Variants in NOTCH2NLR observed in about 807,000 individuals in gnomAD.
NOTCH2NLR encodes notch 2 N-terminal like R (pseudogene).
A neutral mutation model predicts 35.6 loss-of-function variants in NOTCH2NLR; 33 were observed. That is an observed-to-expected ratio of 0.93 (90% CI 0.70 to 1.24). The LOEUF (loss-of-function observed/expected upper bound fraction) is 1.24. Ranked by LOEUF, NOTCH2NLR falls within the 50% of genes most tolerant of loss-of-function variation. The probability of loss-of-function intolerance (pLI) is 0.00; values close to 1 mark genes in which losing one functional copy is unlikely to be tolerated. For synonymous variants in NOTCH2NLR, 103 were observed against 141.0 expected, an observed-to-expected ratio of 0.73 and a Z score of 1.91; for missense variants, 276 against 362.2, an observed-to-expected ratio of 0.76 and a Z score of 1.93.
At chr1:120,789,463 G>T (rs1474763824) in intron 3 of NOTCH2NLR, among the ~76,000 whole-genome samples, 4 of 113,466 alleles carry the variant, frequency 3.5e-5, no homozygotes, top group East Asian at 4.3e-4. Flanking sequence ...CACTTCTTTC[G>T]TGGTGGTGGC....
chr1:120,790,010 C>CTTTTTTTTT (rs1174501165), intron 3 of NOTCH2NLR, among the ~76,000 whole-genome samples: 1 of 34,940 alleles, frequency 2.9e-5, no homozygotes. Flanking sequence ...TTCTGATCAC[C>CTTTTTTTTT]TTTTTTTTTT....
intron 2 of NOTCH2NLR, among the ~76,000 whole-genome samples, chr1:120,769,145 A>G (rs1454745851): frequency 3.7e-5 from 5 of 135,556 alleles, no homozygotes. Context: ...AACTAGAGCC[A>G]TTGCCTTCTT....
chr1:120,793,579 A>T, intron 4 of NOTCH2NLR, 83 bp downstream of exon 4: 1 of 1,028,692 alleles, frequency 9.7e-7, no homozygotes, highest in Non-Finnish European at 1.4e-6. Context: ...TGCATTTTTT[A>T]GGAAGCGCAA....
exon 1 of NOTCH2NLR, chr1:120,724,227 T>G: frequency 1.4e-6 from 2 of 1,404,828 alleles, no homozygotes; most frequent in East Asian, 2.4e-5. Flanking sequence ...GCGCTCTGGC[T>G]GTGCTGGGCG....
At chr1:120,778,522 A>T (rs1184015311) in intron 2 of NOTCH2NLR, among the ~76,000 whole-genome samples, 1 of 85,814 alleles carries the variant, frequency 1.2e-5, no homozygotes, top group Admixed American at 1.2e-4. Flanking sequence ...CTGTTTTGTA[A>T]AGCATGCCTC....
intron 1 of NOTCH2NLR, among the ~76,000 whole-genome samples, chr1:120,756,308 TC>T (rs1320851953): frequency 8.6e-6 from 1 of 116,032 alleles, no homozygotes; most frequent in Non-Finnish European, 1.7e-5. Context: ...ACAGCCAAGA[TC>T]CTAGGGCGTA....
In NOTCH2NLR at chr1:120,793,829, C is replaced by T; in HGVS notation, c.*9C>T. The T allele has an allele frequency of 3.5e-6, 3 of 856,620 alleles. 1 individual carries two copies. Among genetic ancestry groups the T allele is most frequent in the Non-Finnish European group, 5.4e-6 (3 of 555,786 alleles). The allele number at this position is 856,620 out of a possible 1,614,324, so 53.1% of individuals were successfully genotyped here. On this transcript the variant is annotated 3_prime_UTR_variant, in exon 5 of 5. Transcript: ENST00000624419. Reference sequence around the variant, plus strand: ...GGAAAAGAACACGATGAGAATTAGACACTGGAAAATATGTATGTGTGGTTA... The same window carrying T: ...GGAAAAGAACACGATGAGAATTAGATACTGGAAAATATGTATGTGTGGTTA...
chr1:120,754,277 T>A (rs1468388015), intron 1 of NOTCH2NLR, among the ~76,000 whole-genome samples: 2 of 35,510 alleles, frequency 5.6e-5, no homozygotes, highest in African/African-American at 8.0e-4. Flanking sequence ...TTTGTCTTGA[T>A]AATCGTACAA....
Position 120,783,868 on chromosome 1 carries a change from T to A in NOTCH2NLR, c.156-1106T>A, listed in dbSNP as rs1355225453. Among the ~76,000 whole-genome samples, 64 of 104,036 alleles carry A rather than the reference T, an allele frequency of 6.2e-4. 14 individuals carry two copies. Among genetic ancestry groups the A allele is most frequent in the African/African-American group, 3.3e-3 (54 of 16,260 alleles). The allele number at this position is 104,036 out of a possible 152,430, so 68.3% of individuals were successfully genotyped here. On this transcript the variant is annotated intron_variant, in intron 2 of 4. Coordinates refer to ENST00000624419, the Ensembl canonical transcript of NOTCH2NLR. ...AAAATGATTAAAACGGTACATGGAG[T>A]GGTTAGCAATTCTCCCTATAGGAGA...
At chr1:120,787,176 AAT>A (rs1339303940) in intron 3 of NOTCH2NLR, among the ~76,000 whole-genome samples, 1 of 91,534 alleles carries the variant, frequency 1.1e-5, no homozygotes. Context: ...TGGCAATCTT[AAT>A]ATATATATAT....
chr1:120,793,423 A>G lies in NOTCH2NLR; in HGVS notation c.678A>G (p.Ala226=), dbSNP rs1651516503. Residue 226 remains alanine, a synonymous_variant, in exon 4 of 5, where the codon GCA becomes GCG. Coordinates refer to ENST00000624419, the Ensembl canonical transcript of NOTCH2NLR. Reference sequence around the variant, plus strand: ...GTGACAGACTGTATGTGCCCTGTGCACACTCGCCTTGTGTCAATGGAGGCA... The same window carrying G: ...GTGACAGACTGTATGTGCCCTGTGCGCACTCGCCTTGTGTCAATGGAGGCA... 8 of 1,442,922 alleles carry G rather than the reference A, an allele frequency of 5.5e-6. 2 individuals carry two copies. The highest frequency in any genetic ancestry group is 2.0e-5 in the Admixed American group (1 of 51,264). 89.4% of individuals were successfully genotyped at this position (1,442,922 alleles called of 1,614,324 possible). A position where few individuals can be genotyped will look rare whatever the true frequency, so the allele number is the denominator to read the frequency against.
intron 2 of NOTCH2NLR, among the ~76,000 whole-genome samples, chr1:120,768,254 G>T (rs1270373424): frequency 8.9e-6 from 1 of 112,524 alleles, no homozygotes; most frequent in Non-Finnish European, 1.7e-5. Flanking sequence ...AGTGTGAGGG[G>T]CCTACCAAGC....
chr1:120,743,838 T>A (rs1650956293), intron 1 of NOTCH2NLR, among the ~76,000 whole-genome samples: 1 of 126,088 alleles, frequency 7.9e-6, no homozygotes, highest in African/African-American at 3.4e-5. Context: ...GGTTTTGCAT[T>A]TTTTTAGCAA....
At chr1:120,783,874 G>A (rs1651393529) in intron 2 of NOTCH2NLR, among the ~76,000 whole-genome samples, 1 of 106,374 alleles carries the variant, frequency 9.4e-6, no homozygotes, top group Non-Finnish European at 1.8e-5. Context: ...GGAGTGGTTA[G>A]CAATTCTCCC....
At chr1:120,789,590 C>T (rs1321678715) in intron 3 of NOTCH2NLR, among the ~76,000 whole-genome samples, 4 of 91,830 alleles carry the variant, frequency 4.4e-5, no homozygotes, top group Non-Finnish European at 7.8e-5. Flanking sequence ...GATACAGTTA[C>T]CCCACTGGGT....
In NOTCH2NLR at chr1:120,779,443, G is replaced by A. The variant is rs1333522804; in HGVS notation, c.156-5531G>A. 2.6e-4 allele frequency among the ~76,000 whole-genome samples: 30 copies of A among 114,394 alleles called. 4 individuals are homozygous for A. The highest frequency in any genetic ancestry group is 4.3e-4 in the Non-Finnish European group (25 of 57,770). 75.0% of individuals were successfully genotyped at this position (114,394 alleles called of 152,430 possible). A position where few individuals can be genotyped will look rare whatever the true frequency, so the allele number is the denominator to read the frequency against. On this transcript the variant is annotated intron_variant, in intron 2 of 4. Transcript: ENST00000624419. Reference sequence around the variant, plus strand: ...TCTCTGTATTCACAACCTCATCTGCGAAGTATGTTCTTTCAGAGTTCAATG... The same window carrying A: ...TCTCTGTATTCACAACCTCATCTGCAAAGTATGTTCTTTCAGAGTTCAATG...
Position 120,790,536 on chromosome 1 carries a change from CTT to C in NOTCH2NLR, c.416-2623_416-2622del, listed in dbSNP as rs1571029796. 1.4e-4 allele frequency among the ~76,000 whole-genome samples: 3 copies of C among 21,158 alleles called. 1 individual carries two copies. The highest frequency in any genetic ancestry group is 9.0e-5 in the Non-Finnish European group (1 of 11,146). The allele number at this position is 21,158 out of a possible 152,430, so 13.9% of individuals were successfully genotyped here. On this transcript the variant is annotated intron_variant, in intron 3 of 4. Transcript: ENST00000624419. ...TGATTCTTTCTTTCTTTCTCCCTCC[CTT>C]TCTTTCTTTCTTTCTTTCTTTCTTT...
Position 120,784,439 on chromosome 1 carries a change from C to T in NOTCH2NLR, c.156-535C>T, listed in dbSNP as rs1463243160. On this transcript the variant is annotated intron_variant, in intron 2 of 4. Coordinates refer to ENST00000624419, the Ensembl canonical transcript of NOTCH2NLR. ...AGATATTCTTGCTGTTTCTCAAACACGCTAGGGCTGCTCTCTGTGTTATGG... is the reference window on the plus strand; with the variant it reads ...AGATATTCTTGCTGTTTCTCAAACATGCTAGGGCTGCTCTCTGTGTTATGG... Among the ~76,000 whole-genome samples the T allele has an allele frequency of 1.1e-4, 13 of 117,324 alleles. 3 individuals carry two copies. In the Middle Eastern group the frequency reaches 0.012, roughly 104 times the overall value. The allele number at this position is 117,324 out of a possible 152,430, so 77.0% of individuals were successfully genotyped here.
At chr1:120,783,605 C>A (rs1651390272) in intron 2 of NOTCH2NLR, among the ~76,000 whole-genome samples, 1 of 94,562 alleles carries the variant, frequency 1.1e-5, no homozygotes, top group Non-Finnish European at 1.9e-5. Context: ...AGAGAGATGA[C>A]TTCTAGAAAA....
Sources: allele counts gnomAD v4.1 joint callset (sites outside exome capture counted in the v4.1 genomes callset), GRCh38; gene constraint gnomAD v4.1.1; transcripts MANE v1.5; gene names NCBI Gene and HGNC (gene_info 2026-07-23, HGNC 2026-07-21).